The following CMIP variants were observed in gnomAD, a reference collection of about 807,000 sequenced individuals.
CMIP encodes the protein C-Maf-inducing protein.
Under a neutral mutation model 97.3 loss-of-function variants are expected in CMIP, and 13 were observed. The observed-to-expected ratio is 0.13, with a 90% confidence interval of 0.09 to 0.21. The LOEUF is 0.21. CMIP is among the 10% of genes least tolerant of loss of function. The pLI, the probability that CMIP is intolerant of heterozygous loss-of-function variation, is 1.00. For synonymous variants in CMIP, 538 were observed against 436.3 expected (o/e 1.23, Z -2.91); for missense variants, 847 against 1,024.9 (o/e 0.83, Z 2.37).
At chr16:81,510,409 G>T (rs1177311527) in intron 1 of CMIP, among the ~76,000 whole-genome samples, 1 of 152,178 alleles carries the variant, frequency 6.6e-6, no homozygotes, top group African/African-American at 2.4e-5. Context: ...ATTATTATGT[G>T]CTCTCAGCTA....
intron 1 of CMIP, among the ~76,000 whole-genome samples, chr16:81,561,639 G>A (rs894578253): frequency 6.6e-6 from 1 of 152,212 alleles, no homozygotes; most frequent in African/African-American, 2.4e-5. Flanking sequence ...TTTCTGCGGA[G>A]TGGAGAGCTT....
chr16:81,591,936 G>T (rs1031405335), intron 1 of CMIP, among the ~76,000 whole-genome samples: 12 of 151,112 alleles, frequency 7.9e-5, no homozygotes, highest in African/African-American at 2.7e-4. Context: ...GTATCCTCCT[G>T]CCTCAGCCTC....
chr16:81,587,491 C>A (rs1014961710), intron 1 of CMIP, among the ~76,000 whole-genome samples: 2 of 152,220 alleles, frequency 1.3e-5, no homozygotes, highest in African/African-American at 2.4e-5. Flanking sequence ...CCTTGCTTCC[C>A]CAGCTGCTGC....
chr16:81,544,089 AAGG>A (rs2090498417), intron 1 of CMIP, among the ~76,000 whole-genome samples: 1 of 152,206 alleles, frequency 6.6e-6, no homozygotes, highest in Admixed American at 6.5e-5. Flanking sequence ...GAAGAGGGGA[AAGG>A]AGAGAGAGAA....
At chr16:81,583,425 T>A (rs1165164552) in intron 1 of CMIP, among the ~76,000 whole-genome samples, 1 of 152,254 alleles carries the variant, frequency 6.6e-6, no homozygotes, top group Admixed American at 6.5e-5. Flanking sequence ...GAGCAACTGT[T>A]CTAGGCTAAA....
At chr16:81,642,391 G>T (rs533662641) in intron 3 of CMIP, among the ~76,000 whole-genome samples, 1 of 152,270 alleles carries the variant, frequency 6.6e-6, no homozygotes, top group South Asian at 2.1e-4. Context: ...GTCCTGAAGG[G>T]TAAGCATTGA....
chr16:81,558,334 C>T (rs897301385), intron 1 of CMIP, among the ~76,000 whole-genome samples: 1 of 152,174 alleles, frequency 6.6e-6, no homozygotes, highest in Admixed American at 6.5e-5. Context: ...CTGCAGTGAA[C>T]GTAGGTTTAC....
chr16:81,563,185 C>A (rs1051232403), intron 1 of CMIP, among the ~76,000 whole-genome samples: 33 of 152,126 alleles, frequency 2.2e-4, no homozygotes, highest in African/African-American at 7.7e-4. Flanking sequence ...TGTCTACAGG[C>A]GAGCCACAAC....
chr16:81,457,964 C>T (rs1210011960), intron 1 of CMIP, among the ~76,000 whole-genome samples: 1 of 152,256 alleles, frequency 6.6e-6, no homozygotes, highest in Non-Finnish European at 1.5e-5. Context: ...CTCGCTGTCC[C>T]TGCCTTCGCC....
At chr16:81,572,948 A>G (rs2091121029) in intron 1 of CMIP, among the ~76,000 whole-genome samples, 1 of 152,220 alleles carries the variant, frequency 6.6e-6, no homozygotes, top group Admixed American at 6.5e-5. Flanking sequence ...GTTTCTTCAA[A>G]TATCAGCAAG....
chr16:81,577,011 CATT>C (rs983459891), intron 1 of CMIP, among the ~76,000 whole-genome samples: 9 of 147,684 alleles, frequency 6.1e-5, no homozygotes, highest in African/African-American at 2.1e-4. Flanking sequence ...ATTACCACTA[CATT>C]ATTATCACTA....
At chr16:81,596,932 G>C (rs1296460014) in intron 1 of CMIP, among the ~76,000 whole-genome samples, 3 of 152,230 alleles carry the variant, frequency 2.0e-5, no homozygotes, top group Admixed American at 6.5e-5. Flanking sequence ...CTGTCCAGTT[G>C]CTTTTGCTCC....
intron 1 of CMIP, among the ~76,000 whole-genome samples, chr16:81,503,377 C>G (rs1361672385): frequency 6.6e-6 from 1 of 152,088 alleles, no homozygotes; most frequent in East Asian, 1.9e-4. Context: ...CTGCCTAGTC[C>G]CAGATACCTC....
intron 1 of CMIP, among the ~76,000 whole-genome samples, chr16:81,482,812 A>G (rs1043236027): frequency 2.6e-5 from 4 of 152,212 alleles, no homozygotes; most frequent in Non-Finnish European, 4.4e-5. Context: ...CCCGTTCCCA[A>G]CTGTAAAATG....
chr16:81,495,142 A>G (rs1056507850), intron 1 of CMIP, among the ~76,000 whole-genome samples: 25 of 152,322 alleles, frequency 1.6e-4, no homozygotes, highest in African/African-American at 5.1e-4. Context: ...AGGTTTGCAT[A>G]TGTGAATTAA....
chr16:81,605,444 C>T (rs1417190003), intron 1 of CMIP, among the ~76,000 whole-genome samples: 3 of 152,210 alleles, frequency 2.0e-5, no homozygotes, highest in Non-Finnish European at 4.4e-5. Flanking sequence ...CCCCTGCCAC[C>T]ACTGTCTCCT....
intron 1 of CMIP, among the ~76,000 whole-genome samples, chr16:81,557,874 A>G (rs1287754338): frequency 6.6e-6 from 1 of 152,182 alleles, no homozygotes; most frequent in East Asian, 1.9e-4. Context: ...TTGTGCAACC[A>G]TCACTACCCT....
intron 1 of CMIP, among the ~76,000 whole-genome samples, chr16:81,511,472 T>G (rs1195001257): frequency 6.6e-6 from 1 of 152,256 alleles, no homozygotes; most frequent in East Asian, 1.9e-4. Context: ...ATTTTCCATA[T>G]TCTGAGTTTT....
At chr16:81,592,532 G>A (rs1265887335) in intron 1 of CMIP, among the ~76,000 whole-genome samples, 2 of 152,148 alleles carry the variant, frequency 1.3e-5, no homozygotes, top group Admixed American at 1.3e-4. Context: ...CGGTGCCTTT[G>A]GCACTGTGGT....
Sources: allele counts gnomAD v4.1 joint callset (sites outside exome capture counted in the v4.1 genomes callset), GRCh38; gene constraint gnomAD v4.1.1; transcripts MANE v1.5; gene names NCBI Gene and HGNC (gene_info 2026-07-23, HGNC 2026-07-21).